PLXDC1: variants seen among roughly 807,000 people sequenced by gnomAD.
PLXDC1 encodes plexin domain containing 1.
PLXDC1 carries 39 observed loss-of-function variants against 61.3 expected under a neutral mutation model. That is an observed-to-expected ratio of 0.64 (90% CI 0.49 to 0.83). The LOEUF (loss-of-function observed/expected upper bound fraction) is 0.83. Ranked by LOEUF, PLXDC1 falls within the 40% of genes least tolerant of loss-of-function variation. PLXDC1 has a pLI of 0.00. For missense variants in PLXDC1, 596 were observed against 666.5 expected, an observed-to-expected ratio of 0.89 and a Z score of 1.17; for synonymous variants, 212 against 254.5, an observed-to-expected ratio of 0.83 and a Z score of 1.59.
chr17:39,111,275 G>A (rs1041433503), intron 2 of PLXDC1, among the ~76,000 whole-genome samples: 1 of 151,946 alleles, frequency 6.6e-6, no homozygotes, highest in Non-Finnish European at 1.5e-5. Context: ...TTCAACACTC[G>A]GCTTAAACTC....
At chr17:39,084,277 AT>A (rs1471307696) in intron 8 of PLXDC1, among the ~76,000 whole-genome samples, 1 of 152,240 alleles carries the variant, frequency 6.6e-6, no homozygotes, top group Non-Finnish European at 1.5e-5. Flanking sequence ...ACTGTAGGTA[AT>A]AAAATTGTAC....
intron 2 of PLXDC1, among the ~76,000 whole-genome samples, chr17:39,126,016 G>A (rs924254112): frequency 1.3e-5 from 2 of 152,176 alleles, no homozygotes; most frequent in East Asian, 3.8e-4. Flanking sequence ...CACTTTGGGA[G>A]GCTGAGGCAG....
chr17:39,139,635 ATGTT>A lies in PLXDC1; in HGVS notation c.255+15_255+18del. On this transcript the variant is annotated intron_variant, in intron 2 of 13. Coordinates refer to ENST00000315392, the MANE Select transcript of PLXDC1 (RefSeq NM_020405.5). ...CCCACCCCCACTTCGCTCCCCCTCC[ATGTT>A]CCTCCAGCACTCACCACCACCCTGG... 11 of 1,302,496 alleles carry A rather than the reference ATGTT, an allele frequency of 8.4e-6. No individual in the cohort carries two copies. Among genetic ancestry groups the A allele is most frequent in the Non-Finnish European group, 1.1e-5 (11 of 975,006 alleles). 80.7% of individuals were successfully genotyped at this position (1,302,496 alleles called of 1,614,324 possible).
Position 39,063,322 on chromosome 17 carries a change from A to G in PLXDC1, c.*4518T>C. ...GAAATGTGACAGCATAGACTTTCTC[A>G]GATTTATTGTATGTCCTCAGACAGT... is the stretch of plus-strand genomic sequence containing the variant. On this transcript the variant is annotated 3_prime_UTR_variant, in exon 14 of 14. Coordinates refer to ENST00000315392, the MANE Select transcript of PLXDC1 (RefSeq NM_020405.5). 1 of 583,268 alleles carries G rather than the reference A, an allele frequency of 1.7e-6. No individual in the cohort carries two copies. 36.1% of individuals were successfully genotyped at this position (583,268 alleles called of 1,614,324 possible).
In PLXDC1 at chr17:39,100,573, C is replaced by A. The variant is rs191925066; in HGVS notation, c.811+5281G>T. Among the ~76,000 whole-genome samples, 5 of 152,314 alleles carry A rather than the reference C, an allele frequency of 3.3e-5. No homozygotes were observed. In the East Asian group the frequency reaches 9.6e-4, roughly 29 times the overall value. ...CCTGGCCGCTGGCTAACACTTCAGT[C>A]GCAGCCTGTGAAAGACCTTGAATGA... On this transcript the variant is annotated intron_variant, in intron 7 of 13. Coordinates refer to ENST00000315392, the MANE Select transcript of PLXDC1 (RefSeq NM_020405.5).
rs117668975 is a variant in PLXDC1, at chr17:39,125,675, C to G, written c.255+13979G>C. ...ATTTCACAGTCACAGTTCTGCTGATCATGCAGTTTCATGGACCGCTTCTGT... is the reference window on the plus strand; with the variant it reads ...ATTTCACAGTCACAGTTCTGCTGATGATGCAGTTTCATGGACCGCTTCTGT... On this transcript the variant is annotated intron_variant, in intron 2 of 13. Coordinates refer to ENST00000315392, the MANE Select transcript of PLXDC1 (RefSeq NM_020405.5). 5.6e-3 allele frequency among the ~76,000 whole-genome samples: 848 copies of G among 152,258 alleles called. 21 individuals carry two copies. The highest frequency in any genetic ancestry group is 0.041 in the Admixed American group (620 of 15,290).
At chr17:39,087,828 G>A (rs1443408165) in intron 7 of PLXDC1, 126 bp from the exon 8 acceptor site, 11 of 675,988 alleles carry the variant, frequency 1.6e-5, no homozygotes, top group Middle Eastern at 2.9e-4. Flanking sequence ...AGCAGCCTGG[G>A]ACAATGATGT....
chr17:39,125,872 C>T (rs1911296315), intron 2 of PLXDC1, among the ~76,000 whole-genome samples: 1 of 152,156 alleles, frequency 6.6e-6, no homozygotes, highest in Non-Finnish European at 1.5e-5. Context: ...ATAAATACTA[C>T]TGTGATGAAC....
Position 39,077,986 on chromosome 17 carries a change from A to AGTGTCAGGGGAGGCT in PLXDC1, c.1098_1112dup (p.Ala367_Thr371dup). ...GGTCTCCATCATAGGGGCTGAAGGA[A>AGTGTCAGGGGAGGCT]GTGTCAGGGGAGGCTGAGTCGTGGT... On this transcript the variant is annotated inframe_insertion, in exon 11 of 14. Transcript: ENST00000315392. 6.2e-7 allele frequency: 1 copy of AGTGTCAGGGGAGGCT among 1,613,840 alleles called. No homozygotes were observed. Among genetic ancestry groups the AGTGTCAGGGGAGGCT allele is most frequent in the East Asian group, 2.2e-5 (1 of 44,868 alleles).
At chr17:39,093,786 A>G (rs913981492) in intron 7 of PLXDC1, among the ~76,000 whole-genome samples, 1 of 152,108 alleles carries the variant, frequency 6.6e-6, no homozygotes, top group Non-Finnish European at 1.5e-5. Context: ...TTTGTCTCCT[A>G]AAGAACCCTA....
At chr17:39,152,081 C>T (rs1313428495), upstream of PLXDC1, among the ~76,000 whole-genome samples, 1 of 149,456 alleles carries the variant, frequency 6.7e-6, no homozygotes, top group African/African-American at 2.5e-5. Flanking sequence ...TGTCCTCCAG[C>T]CCCCACCCCC....
chr17:39,151,546 G>A lies in PLXDC1; in HGVS notation c.-109C>T, dbSNP rs2045372818. On this transcript the variant is annotated 5_prime_UTR_variant, in exon 1 of 14. Transcript: ENST00000315392. The surrounding 1 kb of genome is among the most constrained non-coding windows in gnomAD (Gnocchi z 5.2). The stretch of plus-strand genomic sequence containing the variant: ...CGGTCCCCGGGGCTGGCGGAGGGGC[G>A]GGCGGCGAGGAGACGGCGGAGCGCG... The A allele has an allele frequency of 8.3e-6, 10 of 1,211,722 alleles. No individual in the cohort carries two copies. Among genetic ancestry groups the A allele is most frequent in the Non-Finnish European group, 1.0e-5 (10 of 975,042 alleles). 75.1% of individuals were successfully genotyped at this position (1,211,722 alleles called of 1,614,324 possible).
At chr17:39,104,677 G>A (rs1287692978) in intron 7 of PLXDC1, among the ~76,000 whole-genome samples, 4 of 152,068 alleles carry the variant, frequency 2.6e-5, no homozygotes, top group South Asian at 2.1e-4. Flanking sequence ...CCAGCTACTC[G>A]GGAGGCTGAG....
chr17:39,079,468 G>A (rs142260328), intron 9 of PLXDC1: 145 of 499,800 alleles, frequency 2.9e-4, no homozygotes, highest in African/African-American at 2.3e-3. Context: ...CTGAGCTGCC[G>A]TGACACTGCT....
At chr17:39,113,388 G>C (rs959494479) in intron 2 of PLXDC1, among the ~76,000 whole-genome samples, 2 of 152,194 alleles carry the variant, frequency 1.3e-5, no homozygotes, top group Non-Finnish European at 2.9e-5. Context: ...GAATATCTGT[G>C]CCACAGGTGT....
intron 7 of PLXDC1, among the ~76,000 whole-genome samples, chr17:39,091,031 C>G (rs1325577541): frequency 6.6e-6 from 1 of 152,196 alleles, no homozygotes; most frequent in Non-Finnish European, 1.5e-5. Flanking sequence ...TGTTCCCACC[C>G]GTCATCCTGC....
chr17:39,097,256 C>T (rs1162070797), intron 7 of PLXDC1, among the ~76,000 whole-genome samples: 1 of 152,190 alleles, frequency 6.6e-6, no homozygotes, highest in Non-Finnish European at 1.5e-5. Context: ...AGGACAGTGA[C>T]GCCACCCATT....
chr17:39,139,578 C>G, intron 2 of PLXDC1, 76 bp downstream of exon 2: 1 of 1,369,270 alleles, frequency 7.3e-7, no homozygotes, highest in South Asian at 1.3e-5. Context: ...GCATGTAGGA[C>G]AAGCACACCT....
intron 11 of PLXDC1, among the ~76,000 whole-genome samples, chr17:39,076,089 A>AG (rs1167621824): frequency 1.6e-5 from 1 of 63,892 alleles, no homozygotes; most frequent in Non-Finnish European, 5.3e-5. Flanking sequence ...AAAAAAAAAA[A>AG]AGAAAAAAAA....
Sources: allele counts gnomAD v4.1 joint callset (sites outside exome capture counted in the v4.1 genomes callset), GRCh38; gene constraint gnomAD v4.1.1; non-coding constraint Gnocchi (gnomAD v3.1); transcripts MANE v1.5; gene names NCBI Gene and HGNC (gene_info 2026-07-23, HGNC 2026-07-21).